Variants in BLM observed in about 807,000 individuals in gnomAD.
BLM encodes BLM RecQ like helicase, also known as recQ-like DNA helicase BLM.
Under a neutral mutation model 135.3 loss-of-function variants are expected in BLM, and 95 were observed. That is an observed-to-expected ratio of 0.70 (90% CI 0.59 to 0.83). The LOEUF (loss-of-function observed/expected upper bound fraction) is 0.83. Among genes scored for constraint, BLM ranks in the 40% least tolerant of loss-of-function variants. BLM has a pLI of 0.00. For synonymous variants in BLM, 520 were observed against 589.2 expected (o/e 0.88, Z 1.70); for missense variants, 1,518 against 1,663.9 (o/e 0.91, Z 1.53).
intron 5 of BLM, among the ~76,000 whole-genome samples, chr15:90,758,159 C>T (rs1474974154): frequency 6.6e-6 from 1 of 151,344 alleles, no homozygotes; most frequent in African/African-American, 2.4e-5. Flanking sequence ...GGATTACAGG[C>T]GTGAGCCACC....
At chr15:90,777,118 CAGGCACAT>C (rs1474534224) in intron 12 of BLM, among the ~76,000 whole-genome samples, 5 of 151,418 alleles carry the variant, frequency 3.3e-5, no homozygotes, top group African/African-American at 1.2e-4. Context: ...GCTGGGACTA[CAGGCACAT>C]ACTACCATGC....
At chr15:90,791,128 G>T (rs1229798865) in intron 15 of BLM, among the ~76,000 whole-genome samples, 1 of 152,038 alleles carries the variant, frequency 6.6e-6, no homozygotes, top group Non-Finnish European at 1.5e-5. Context: ...GGTTTCCTTT[G>T]TATCCTTTCA....
intron 1 of BLM, among the ~76,000 whole-genome samples, chr15:90,725,852 G>A (rs1894900001): frequency 6.6e-6 from 1 of 151,704 alleles, no homozygotes; most frequent in Non-Finnish European, 1.5e-5. Context: ...AGTTGTCTCT[G>A]TTTTATGTAC....
rs772680720 is a variant in BLM, at chr15:90,798,345, A to G, written c.3358+8A>G. On this transcript the variant is annotated splice_region_variant and intron_variant, in intron 17 of 21. Coordinates refer to ENST00000355112, the MANE Select transcript of BLM (RefSeq NM_000057.4). ...TGGTCGACATTTTCTTGGGTAAGTC[A>G]TCTGTTTTGAATGTTTGAGTTACTT... The G allele has an allele frequency of 6.2e-7, 1 of 1,612,370 alleles. No homozygotes were observed. Among genetic ancestry groups the G allele is most frequent in the Non-Finnish European group, 8.5e-7 (1 of 1,179,164 alleles).
chr15:90,786,957 T>G (rs1454869862), intron 14 of BLM, among the ~76,000 whole-genome samples: 1 of 151,116 alleles, frequency 6.6e-6, no homozygotes, highest in Non-Finnish European at 1.5e-5. Context: ...CTAACAATAT[T>G]GGGCATCTGT....
chr15:90,729,846 A>T (rs1359504096), intron 1 of BLM, among the ~76,000 whole-genome samples: 4 of 151,896 alleles, frequency 2.6e-5, no homozygotes, highest in Admixed American at 6.6e-5. Flanking sequence ...TTTTATTTTT[A>T]TTTTTATTTT....
intron 18 of BLM, 137 bp from the exon 19 acceptor site, chr15:90,804,030 C>T: frequency 1.2e-6 from 1 of 813,380 alleles, no homozygotes; most frequent in Non-Finnish European, 2.0e-6. Context: ...TGCACAGCCC[C>T]TGTTCCCAGT....
chr15:90,772,347 T>G (rs1896345154), intron 12 of BLM, among the ~76,000 whole-genome samples: 1 of 152,174 alleles, frequency 6.6e-6, no homozygotes, highest in African/African-American at 2.4e-5. Context: ...CCTTAGGGCC[T>G]TAAAATATGA....
At chr15:90,759,913 T>TA (rs60293840) in intron 5 of BLM, 5,046 of 284,658 alleles carry the variant, frequency 0.018, 1 homozygote, top group South Asian at 0.031. Context: ...AGCCCCACTT[T>TA]AAAAAAAAAA....
At chr15:90,747,338 A>G (rs544562406) in intron 1 of BLM, 51 bp from the exon 2 acceptor site, 10 of 1,391,982 alleles carry the variant, frequency 7.2e-6, no homozygotes, top group Non-Finnish European at 1.0e-5. Flanking sequence ...AAACATTGTG[A>G]TTAATGCAAA....
Position 90,795,974 on chromosome 15 carries a change from G to A in BLM, c.3210+1617G>A, listed in dbSNP as rs28385113. Among the ~76,000 whole-genome samples the A allele has an allele frequency of 9.1e-3, 1,389 of 152,284 alleles. 16 individuals are homozygous for A. Among genetic ancestry groups the A allele is most frequent in the African/African-American group, 0.031 (1,279 of 41,550 alleles). On this transcript the variant is annotated intron_variant, in intron 16 of 21. Transcript: ENST00000355112. The stretch of plus-strand genomic sequence containing the variant: ...GTGAGCTTTCCTGCAAGAAGCTTTG[G>A]CTAGAGCAAAGGCCCTAAGGTGGGG...
chr15:90,747,463 A>C lies in BLM; in HGVS notation c.71A>C (p.Lys24Thr). 6.2e-7 allele frequency: 1 copy of C among 1,609,484 alleles called. No individual in the cohort carries two copies. Among genetic ancestry groups the C allele is most frequent in the Non-Finnish European group, 8.5e-7 (1 of 1,177,138 alleles). Residue 24 changes from lysine (K) to threonine (T), a missense_variant, in exon 2 of 22, where the codon AAA becomes ACA. Coordinates refer to ENST00000355112, the MANE Select transcript of BLM (RefSeq NM_000057.4). ...ERHSARTLNN[K>T]LSLSKPKFSG... The stretch of plus-strand genomic sequence containing the variant: ...CACTCAGCCAGAACACTTAATAATA[A>C]ATTAAGTCTTTCAAAACCAAAATTT...
At chr15:90,729,034 A>G (rs1375735844) in intron 1 of BLM, among the ~76,000 whole-genome samples, 3 of 151,846 alleles carry the variant, frequency 2.0e-5, no homozygotes, top group Admixed American at 1.3e-4. Context: ...TAACAATAAC[A>G]CACGGTAGCT....
Position 90,723,230 on chromosome 15 carries a change from C to T in BLM, c.-5+5790C>T, listed in dbSNP as rs138409029. 6.7e-3 allele frequency among the ~76,000 whole-genome samples: 1,025 copies of T among 152,052 alleles called. 5 individuals are homozygous for T. The highest frequency in any genetic ancestry group is 0.011 in the Non-Finnish European group (765 of 67,994). On this transcript the variant is annotated intron_variant, in intron 1 of 21. Coordinates refer to ENST00000355112, the MANE Select transcript of BLM (RefSeq NM_000057.4). ...CTATAAATAATATAGCTCAGTTTTG[C>T]CTGGTTTTGAGCTCTGTAAATGGGA...
At chr15:90,774,451 C>CT (rs1358773447) in intron 12 of BLM, among the ~76,000 whole-genome samples, 5 of 152,120 alleles carry the variant, frequency 3.3e-5, no homozygotes, top group African/African-American at 1.2e-4. Flanking sequence ...TTGTTACTGT[C>CT]TTTTTTTATT....
intron 2 of BLM, among the ~76,000 whole-genome samples, chr15:90,748,027 C>T (rs908332871): frequency 1.3e-5 from 2 of 151,130 alleles, no homozygotes; most frequent in Non-Finnish European, 2.9e-5. Context: ...AGGATGGTCT[C>T]GATCTCCTGA....
chr15:90,784,669 T>C (rs1896699874), intron 13 of BLM, among the ~76,000 whole-genome samples: 2 of 151,688 alleles, frequency 1.3e-5, no homozygotes, highest in African/African-American at 2.4e-5. Flanking sequence ...ATGTATCTAG[T>C]GTGAAGTAGA....
chr15:90,788,369 A>G (rs995360833), intron 14 of BLM, among the ~76,000 whole-genome samples: 1 of 152,038 alleles, frequency 6.6e-6, no homozygotes, highest in African/African-American at 2.4e-5. Context: ...ATTTTCAGAT[A>G]TGCAAAAAGT....
intron 2 of BLM, 35 bp downstream of exon 2, chr15:90,747,525 A>T: frequency 7.6e-7 from 1 of 1,319,650 alleles, no homozygotes; most frequent in East Asian, 2.4e-5. Context: ...TCACATAGGC[A>T]CTAACTTACC....
Sources: gnomAD v4.1 joint callset for allele counts (sites outside exome capture counted in the v4.1 genomes callset) on GRCh38, gnomAD v4.1.1 for gene constraint, MANE v1.5 for transcripts, NCBI Gene and HGNC (gene_info 2026-07-23, HGNC 2026-07-21) for gene names.